Variants in KALRN observed in about 807,000 individuals in gnomAD.
KALRN encodes kalirin.
KALRN carries 70 observed loss-of-function variants against 353.7 expected under a neutral mutation model. The ratio of observed to expected loss-of-function variants is 0.20; its 90% CI spans 0.16 to 0.24. The LOEUF is 0.24. Ranked by LOEUF, KALRN falls within the 10% of genes least tolerant of loss-of-function variation. The pLI is 1.00. For synonymous variants in KALRN, 1,391 were observed against 1,434.8 expected, an observed-to-expected ratio of 0.97 and a Z score of 0.69; for missense variants, 2,791 against 3,756.7, an observed-to-expected ratio of 0.74 and a Z score of 6.72.
chr3:124,354,849 T>C (rs548595815), intron 10 of KALRN, among the ~76,000 whole-genome samples: 4 of 152,172 alleles, frequency 2.6e-5, no homozygotes, highest in Non-Finnish European at 5.9e-5. Flanking sequence ...ATGCTTCACA[T>C]CTATATGAAA....
Position 124,661,021 on chromosome 3 carries a change from A to G in KALRN, c.6267+48A>G, listed in dbSNP as rs769380451. 2.9e-6 allele frequency: 4 copies of G among 1,389,136 alleles called. No homozygotes were observed. Among genetic ancestry groups the G allele is most frequent in the Non-Finnish European group, 4.1e-6 (4 of 976,520 alleles). The allele number at this position is 1,389,136 out of a possible 1,614,324, so 86.1% of individuals were successfully genotyped here. A position where few individuals can be genotyped will look rare whatever the true frequency, so the allele number is the denominator to read the frequency against. On this transcript the variant is annotated intron_variant, in intron 44 of 59. Transcript: ENST00000682506. The stretch of plus-strand genomic sequence containing the variant: ...TTGCTGTTCTTAGGGACCATATTGG[A>G]TATCTTTCTCTAGAGGGGAAAAGAT...
intron 34 of KALRN, among the ~76,000 whole-genome samples, chr3:124,568,395 A>C (rs575419686): frequency 6.6e-6 from 1 of 152,250 alleles, no homozygotes; most frequent in Admixed American, 6.5e-5. Context: ...ACCCTTGTAC[A>C]CTGCTGGTGG....
chr3:124,718,122 A>ATT (rs35779082), intron 59 of KALRN, among the ~76,000 whole-genome samples: 1,744 of 126,930 alleles, frequency 0.014, 21 homozygotes, highest in African/African-American at 0.028. Flanking sequence ...CATTATGACT[A>ATT]TTTTTTTTTT....
intron 1 of KALRN, among the ~76,000 whole-genome samples, chr3:124,224,108 C>A (rs975872037): frequency 6.6e-6 from 1 of 151,656 alleles, no homozygotes; most frequent in Non-Finnish European, 1.5e-5. Flanking sequence ...GGCACAACAC[C>A]CACCACCCAC....
At chr3:124,481,657 G>A (rs886104941) in intron 27 of KALRN, among the ~76,000 whole-genome samples, 1 of 152,132 alleles carries the variant, frequency 6.6e-6, no homozygotes, top group African/African-American at 2.4e-5. Flanking sequence ...TGCATCCTCT[G>A]TACCATTCAG....
chr3:124,362,631 T>A (rs2084180233), intron 10 of KALRN, among the ~76,000 whole-genome samples: 1 of 152,256 alleles, frequency 6.6e-6, no homozygotes, highest in Admixed American at 6.5e-5. Flanking sequence ...CCATGGTGTT[T>A]CACACCATGG....
At chr3:124,234,541 C>T (rs1200601634) in intron 2 of KALRN, among the ~76,000 whole-genome samples, 4 of 152,190 alleles carry the variant, frequency 2.6e-5, no homozygotes, top group Non-Finnish European at 5.9e-5. Context: ...TTTCCAAGTG[C>T]ATCCCCATGT....
chr3:124,051,079 G>C (rs1253952952), intron 1 of KALRN, among the ~76,000 whole-genome samples: 1 of 152,178 alleles, frequency 6.6e-6, no homozygotes, highest in African/African-American at 2.4e-5. Context: ...CCTTCATCGG[G>C]ATTCCATGTA....
intron 1 of KALRN, among the ~76,000 whole-genome samples, chr3:124,034,927 CATCT>C (rs2039273224): frequency 6.6e-6 from 1 of 152,110 alleles, no homozygotes; most frequent in Admixed American, 6.5e-5. Context: ...TCTGCACATC[CATCT>C]GTTTCCTAAC....
At chr3:124,543,681 C>G (rs1007505752) in intron 33 of KALRN, among the ~76,000 whole-genome samples, 1 of 151,082 alleles carries the variant, frequency 6.6e-6, no homozygotes, top group African/African-American at 2.5e-5. Context: ...CAGAAATCAG[C>G]AGGTTTTTTT....
At chr3:124,575,962 T>G (rs1277892751) in intron 34 of KALRN, among the ~76,000 whole-genome samples, 1 of 152,130 alleles carries the variant, frequency 6.6e-6, no homozygotes, top group Non-Finnish European at 1.5e-5. Flanking sequence ...CGGACGTTAT[T>G]CTGTCTACCA....
chr3:124,646,956 C>T (rs6806224), intron 37 of KALRN, among the ~76,000 whole-genome samples: 43,738 of 152,044 alleles, frequency 0.29, 6,481 homozygotes, highest in East Asian at 0.44. Flanking sequence ...ATCTTTGGAA[C>T]GTTAAGACTG....
At chr3:124,151,514 G>T (rs955962726) in intron 1 of KALRN, among the ~76,000 whole-genome samples, 5 of 152,114 alleles carry the variant, frequency 3.3e-5, no homozygotes. Context: ...GAATCTTCAT[G>T]TCTTTTGCCT....
At chr3:124,408,044 A>T (rs980054624) in intron 13 of KALRN, among the ~76,000 whole-genome samples, 2 of 152,202 alleles carry the variant, frequency 1.3e-5, no homozygotes, top group Non-Finnish European at 2.9e-5. Flanking sequence ...AAGTGCTGGG[A>T]TTACAGGCGT....
chr3:124,150,468 G>T (rs758710597), intron 1 of KALRN, among the ~76,000 whole-genome samples: 32 of 152,176 alleles, frequency 2.1e-4, no homozygotes, highest in Non-Finnish European at 3.8e-4. Flanking sequence ...CATGTGCCAT[G>T]CTGGTGTGCT....
At chr3:124,260,248 C>T (rs75111622) in intron 3 of KALRN, among the ~76,000 whole-genome samples, 11,841 of 152,260 alleles carry the variant, frequency 0.078, 510 homozygotes, top group South Asian at 0.094. Context: ...TCTACCTTGA[C>T]AAATATATCT....
At chr3:124,707,441 CCTTCCCTCCTTCCT>C (rs2062686357) in intron 57 of KALRN, among the ~76,000 whole-genome samples, 30 of 150,218 alleles carry the variant, frequency 2.0e-4, no homozygotes, top group Admixed American at 2.0e-3. Context: ...TTCCTTCCTT[CCTTCCCTCCTTCCT>C]TCCTTCCCTC....
At chr3:124,632,793 C>T in intron 35 of KALRN, 90 bp downstream of exon 35, 1 of 1,216,166 alleles carries the variant, frequency 8.2e-7, no homozygotes, top group Non-Finnish European at 1.2e-6. Context: ...CATCTCAAAT[C>T]TCCATTAGTG....
intron 14 of KALRN, among the ~76,000 whole-genome samples, chr3:124,415,471 G>A (rs1005922787): frequency 1.3e-5 from 2 of 152,196 alleles, no homozygotes; most frequent in African/African-American, 4.8e-5. Context: ...GAGTTCAAGG[G>A]CTCATACCTG....
Sources: allele counts gnomAD v4.1 joint callset (sites outside exome capture counted in the v4.1 genomes callset), GRCh38; gene constraint gnomAD v4.1.1; transcripts MANE v1.5; gene names NCBI Gene and HGNC (gene_info 2026-07-23, HGNC 2026-07-21).